Variants in TMED2 observed in about 807,000 individuals in gnomAD.
TMED2 encodes the protein transmembrane p24 trafficking protein 2, also known as transmembrane emp24 domain-containing protein 2.
Under a neutral mutation model 17.5 loss-of-function variants are expected in TMED2, and 3 were observed. The ratio of observed to expected loss-of-function variants is 0.17; its 90% confidence interval spans 0.08 to 0.44. TMED2 has a LOEUF of 0.44. Ranked by LOEUF, TMED2 falls within the 20% of genes least tolerant of loss-of-function variation. The pLI is 0.99. For missense variants in TMED2, 149 were observed against 254.8 expected (o/e 0.58, Z 2.83); for synonymous variants, 95 against 91.0 (o/e 1.04, Z -0.25).
chr12:123,587,698 T>C, intron 2 of TMED2: 9 of 1,226,928 alleles, frequency 7.3e-6, no homozygotes, highest in Non-Finnish European at 9.4e-6. Flanking sequence ...TAATTTCTGC[T>C]TTCTTTTTTC....
chr12:123,589,984 T>G (rs1953379292), intron 2 of TMED2, among the ~76,000 whole-genome samples: 1 of 142,684 alleles, frequency 7.0e-6, no homozygotes, highest in East Asian at 2.0e-4. Flanking sequence ...GATCCTGTCT[T>G]GAAAAAAAAA....
intron 1 of TMED2, chr12:123,585,451 C>T (rs1170335378): frequency 6.6e-6 from 1 of 152,184 alleles, no homozygotes; most frequent in East Asian, 1.9e-4. Flanking sequence ...AGTGAAGTAT[C>T]AGGAGAAGAC....
In TMED2 at chr12:123,597,474, T is replaced by C. The variant is rs1286052742; in HGVS notation, c.*745T>C. ...AGTGGTGGCTTTTTTTCTTTCCACA[T>C]TGGCACATTCACTTCTCCCACTCTT... On this transcript the variant is annotated 3_prime_UTR_variant, in exon 4 of 4. Coordinates refer to ENST00000262225, the MANE Select transcript of TMED2 (RefSeq NM_006815.4). 1 of 152,516 alleles carries C rather than the reference T, an allele frequency of 6.6e-6. No individual in the cohort carries two copies. Among genetic ancestry groups the C allele is most frequent in the African/African-American group, 2.4e-5 (1 of 41,448 alleles). 9.4% of individuals were successfully genotyped at this position (152,516 alleles called of 1,614,324 possible).
chr12:123,597,859 T>TC lies in TMED2; in HGVS notation c.*1130_*1131insC, dbSNP rs1445312137. 1 of 152,336 alleles carries TC rather than the reference T, an allele frequency of 6.6e-6. No individual in the cohort carries two copies. The highest frequency in any genetic ancestry group is 2.1e-4 in the South Asian group (1 of 4,824). 9.4% of individuals were successfully genotyped at this position (152,336 alleles called of 1,614,324 possible). On this transcript the variant is annotated 3_prime_UTR_variant, in exon 4 of 4. Transcript: ENST00000262225. ...TTAGTTACTTGTGCTTTTTTTTTTT[T>TC]TTTTGGATCTTTGCAAGGGCAAAAC...
intron 3 of TMED2, among the ~76,000 whole-genome samples, chr12:123,594,630 A>G (rs1007750752): frequency 2.0e-5 from 3 of 151,962 alleles, no homozygotes; most frequent in Non-Finnish European, 2.9e-5. Context: ...GCTCATGCCT[A>G]TAATCCCAGC....
At chr12:123,593,546 G>C (rs1230258507) in intron 3 of TMED2, among the ~76,000 whole-genome samples, 1 of 152,266 alleles carries the variant, frequency 6.6e-6, no homozygotes, top group Non-Finnish European at 1.5e-5. Flanking sequence ...GAGGGAGAAA[G>C]ATGGTTGGAT....
At chr12:123,591,521 C>T (rs559597840) in intron 3 of TMED2, among the ~76,000 whole-genome samples, 37 of 152,264 alleles carry the variant, frequency 2.4e-4, no homozygotes, top group Admixed American at 1.4e-3. Context: ...CAGTGGCTCA[C>T]GCCTGTAATC....
chr12:123,587,736 T>C lies in TMED2; in HGVS notation c.373+797T>C, dbSNP rs952278007. 1.7e-5 allele frequency: 18 copies of C among 1,041,376 alleles called. No homozygotes were observed. The African/African-American group carries it at 2.6e-4, about 15-fold the overall frequency. The allele number at this position is 1,041,376 out of a possible 1,614,324, so 64.5% of individuals were successfully genotyped here. A position where few individuals can be genotyped will look rare whatever the true frequency, so the allele number is the denominator to read the frequency against. Reference sequence around the variant, plus strand: ...ACCTCAGTTTGTTGGCATGAGAGTGTTTTTTTCTCTTAAAAAACCCCTACA... The same window carrying C: ...ACCTCAGTTTGTTGGCATGAGAGTGCTTTTTTCTCTTAAAAAACCCCTACA... On this transcript the variant is annotated intron_variant, in intron 2 of 3. Coordinates refer to ENST00000262225, the MANE Select transcript of TMED2 (RefSeq NM_006815.4).
intron 1 of TMED2, 50 bp from the exon 2 acceptor site, chr12:123,586,697 C>G: frequency 1.3e-6 from 2 of 1,526,826 alleles, no homozygotes; most frequent in Non-Finnish European, 1.8e-6. Context: ...CTTATAAAGT[C>G]TATGACTTAA....
Position 123,590,414 on chromosome 12 carries a change from A to T in TMED2, c.446A>T (p.Glu149Val), listed in dbSNP as rs1953383002. The change falls in exon 3 of 4, where the codon GAA becomes GTA. Residue 149 changes from glutamate to valine, a missense_variant. Coordinates refer to ENST00000262225, the MANE Select transcript of TMED2 (RefSeq NM_006815.4). ...ATGACAGCTGTAAAGCACGAACAGG[A>T]ATACATGGAAGTCCGGGAGAGAATA... ...VAMTAVKHEQ[E>V]YMEVRERIHR... is the part of the protein sequence containing the mutation. The T allele has an allele frequency of 6.2e-7, 1 of 1,610,412 alleles. No individual in the cohort carries two copies. Among genetic ancestry groups the T allele is most frequent in the South Asian group, 1.1e-5 (1 of 90,926 alleles).
At chr12:123,587,603 T>G in intron 2 of TMED2, 1 of 1,279,036 alleles carries the variant, frequency 7.8e-7, no homozygotes, top group Non-Finnish European at 1.0e-6. Context: ...ATCTTAACTT[T>G]TCTTTAGGTG....
At chr12:123,585,877 A>T (rs1017650076) in intron 1 of TMED2, 2 of 152,176 alleles carry the variant, frequency 1.3e-5, no homozygotes, top group Non-Finnish European at 2.9e-5. Flanking sequence ...GAATTCCTTC[A>T]CTGTTTGGCA....
intron 3 of TMED2, among the ~76,000 whole-genome samples, chr12:123,591,651 A>T (rs1489734847): frequency 6.6e-6 from 1 of 152,104 alleles, no homozygotes; most frequent in Non-Finnish European, 1.5e-5. Flanking sequence ...GCATGGTGGC[A>T]CGCGCCTGTA....
intron 1 of TMED2, chr12:123,585,031 T>C: frequency 3.5e-6 from 2 of 574,282 alleles, no homozygotes; most frequent in Non-Finnish European, 6.1e-6. Context: ...CGGGATCCCT[T>C]GGGGGCTCCT....
intron 3 of TMED2, among the ~76,000 whole-genome samples, chr12:123,594,346 G>A (rs1953414749): frequency 6.6e-6 from 1 of 151,756 alleles, no homozygotes; most frequent in African/African-American, 2.4e-5. Context: ...GTGTTAGCCA[G>A]GATGGTCTCG....
At chr12:123,587,181 C>T (rs786449) in intron 2 of TMED2, among the ~76,000 whole-genome samples, 77,596 of 152,074 alleles carry the variant, frequency 0.51, 21,854 homozygotes, top group East Asian at 0.87. Context: ...GTGTCTCGCT[C>T]TTTCGCCCAG....
Position 123,595,620 on chromosome 12 carries a change from A to T in TMED2, c.482-985A>T, listed in dbSNP as rs562152367. On this transcript the variant is annotated intron_variant, in intron 3 of 3. Coordinates refer to ENST00000262225, the MANE Select transcript of TMED2 (RefSeq NM_006815.4). ...TCAGCAAATTGGATACTAATACAGG[A>T]CGTTTCAATGGTGAGGGAGAAAGAT... Among the ~76,000 whole-genome samples, 17 of 152,222 alleles carry T rather than the reference A, an allele frequency of 1.1e-4. No homozygotes were observed. The South Asian group carries it at 3.5e-3, about 32-fold the overall frequency.
chr12:123,593,754 T>TCC (rs758941533), intron 3 of TMED2, among the ~76,000 whole-genome samples: 1 of 152,194 alleles, frequency 6.6e-6, no homozygotes, highest in Admixed American at 6.5e-5. Flanking sequence ...CGCCTTGGCC[T>TCC]CCCAAAGTGC....
intron 3 of TMED2, among the ~76,000 whole-genome samples, chr12:123,592,740 G>C (rs1398503475): frequency 6.6e-6 from 1 of 152,182 alleles, no homozygotes; most frequent in African/African-American, 2.4e-5. Context: ...ATATATGAGT[G>C]GCATGAGGAC....
Sources: gnomAD v4.1 joint callset for allele counts (sites outside exome capture counted in the v4.1 genomes callset) on GRCh38, gnomAD v4.1.1 for gene constraint, MANE v1.5 for transcripts, NCBI Gene and HGNC (gene_info 2026-07-23, HGNC 2026-07-21) for gene names.